ROBO1: variants seen among roughly 807,000 people sequenced by gnomAD.
ROBO1 encodes roundabout guidance receptor 1, also known as roundabout homolog 1.
A neutral mutation model predicts 195.9 loss-of-function variants in ROBO1; 149 were observed. The observed-to-expected ratio is 0.76, with a 90% confidence interval of 0.67 to 0.87. ROBO1 has a LOEUF of 0.87. Ranked by LOEUF, ROBO1 falls within the 40% of genes least tolerant of loss-of-function variation. ROBO1 has a pLI of 0.00. For synonymous variants in ROBO1, 816 were observed against 733.2 expected (o/e 1.11, Z -1.82); for missense variants, 1,933 against 2,068.3 (o/e 0.93, Z 1.27).
At chr3:79,147,389 T>C (rs2080675194) in intron 2 of ROBO1, among the ~76,000 whole-genome samples, 2 of 152,010 alleles carry the variant, frequency 1.3e-5, no homozygotes, top group South Asian at 4.1e-4. Flanking sequence ...AGGTGAGTTT[T>C]CTTTTTAGTA....
intron 1 of ROBO1, among the ~76,000 whole-genome samples, chr3:79,669,097 T>C (rs1479515485): frequency 6.6e-6 from 1 of 151,892 alleles, no homozygotes; most frequent in African/African-American, 2.4e-5. Flanking sequence ...CTCCCATAAT[T>C]TCTACGTGTT....
chr3:79,477,159 T>C (rs1559927124), intron 2 of ROBO1, among the ~76,000 whole-genome samples: 1 of 152,140 alleles, frequency 6.6e-6, no homozygotes, highest in Non-Finnish European at 1.5e-5. Context: ...TTTATTGTTA[T>C]GCTCATAATT....
intron 3 of ROBO1, among the ~76,000 whole-genome samples, chr3:79,047,733 T>A (rs2078621485): frequency 6.6e-6 from 1 of 152,136 alleles, no homozygotes. Context: ...ATATTTTATA[T>A]GTTGCATCAC....
rs1169857468 is a variant in ROBO1, at chr3:78,938,744, C to T, written c.356G>A (p.Arg119Gln). Residue 119 changes from arginine to glutamine, a missense_variant, in exon 4 of 31, where the codon CGA becomes CAA. Around this residue, in one of 3 missense-constraint regions of ROBO1, gnomAD observed 185 missense variants for 159.5 expected, o/e 1.16. Coordinates refer to ENST00000464233, the MANE Select transcript of ROBO1 (RefSeq NM_002941.4). ...TAAAGATCCACTCGGCAGCAACATT[C>T]GGTGTGAGCGAGGGTCATCTTTGTC... ...ETDKDDPRSH[R>Q]MLLPSGSLFF... 7 of 1,613,978 alleles carry T rather than the reference C, an allele frequency of 4.3e-6. 1 individual carries two copies. Among genetic ancestry groups the T allele is most frequent in the South Asian group, 3.3e-5 (3 of 91,076 alleles).
rs543621478 is a variant in ROBO1, at chr3:79,164,136, C to T, written c.89-38597G>A. On this transcript the variant is annotated intron_variant, in intron 2 of 30. Coordinates refer to ENST00000464233, the MANE Select transcript of ROBO1 (RefSeq NM_002941.4). ...TGGTCCAAGGGTGGGGGAACTAAAA[C>T]AAAGAACCAGTGAGTCCTCAACATT... 2.7e-3 allele frequency among the ~76,000 whole-genome samples: 411 copies of T among 152,080 alleles called. 1 individual carries two copies. Among genetic ancestry groups the T allele is most frequent in the Non-Finnish European group, 4.5e-3 (305 of 67,960 alleles).
At chr3:79,503,038 A>C (rs1200880878) in intron 2 of ROBO1, among the ~76,000 whole-genome samples, 1 of 152,152 alleles carries the variant, frequency 6.6e-6, no homozygotes, top group Non-Finnish European at 1.5e-5. Flanking sequence ...TAACAGTGAC[A>C]ACCTCTCAGG....
In ROBO1 at chr3:78,819,460, A is replaced by AC. The variant is rs1424649378; in HGVS notation, c.500-72561_500-72560insG. On this transcript the variant is annotated intron_variant, in intron 4 of 30. Coordinates refer to ENST00000464233, the MANE Select transcript of ROBO1 (RefSeq NM_002941.4). ...CCATATTCTACAAAAAAAAAAAAAC[A>AC]AAACCTTTTTTTTTCTTTTCTCCAT... Among the ~76,000 whole-genome samples the AC allele has an allele frequency of 4.5e-3, 683 of 150,224 alleles. 8 individuals carry two copies. The highest frequency in any genetic ancestry group is 0.016 in the African/African-American group (647 of 41,090).
intron 2 of ROBO1, among the ~76,000 whole-genome samples, chr3:79,205,611 G>T (rs1034419425): frequency 6.6e-6 from 1 of 152,030 alleles, no homozygotes; most frequent in African/African-American, 2.4e-5. Flanking sequence ...CATTCTCTTG[G>T]CATGTATTTT....
intron 2 of ROBO1, among the ~76,000 whole-genome samples, chr3:79,235,817 T>C (rs1351864653): frequency 6.6e-6 from 1 of 152,116 alleles, no homozygotes; most frequent in Non-Finnish European, 1.5e-5. Context: ...TATTATTGGG[T>C]TTAAAAATAC....
chr3:79,206,098 G>A (rs550227536), intron 2 of ROBO1, among the ~76,000 whole-genome samples: 25 of 152,226 alleles, frequency 1.6e-4, no homozygotes, highest in Admixed American at 5.9e-4. Flanking sequence ...GCCATTCTGC[G>A]TAGCATGATG....
chr3:79,192,621 C>A (rs2081559987), intron 2 of ROBO1, among the ~76,000 whole-genome samples: 1 of 151,448 alleles, frequency 6.6e-6, no homozygotes. Context: ...AATGGCAGGT[C>A]TAAAAGCCGT....
intron 17 of ROBO1, among the ~76,000 whole-genome samples, chr3:78,658,255 A>G (rs1401681028): frequency 6.6e-6 from 1 of 152,220 alleles, no homozygotes; most frequent in Admixed American, 6.5e-5. Flanking sequence ...CTCAGTTTCC[A>G]TAAGAAAATG....
chr3:79,526,026 A>C (rs1056265991), intron 2 of ROBO1, among the ~76,000 whole-genome samples: 1 of 152,200 alleles, frequency 6.6e-6, no homozygotes, highest in Non-Finnish European at 1.5e-5. Context: ...AGACCCAATG[A>C]AATCTTAGAG....
intron 25 of ROBO1, among the ~76,000 whole-genome samples, chr3:78,628,693 A>G (rs986861222): frequency 1.3e-5 from 2 of 151,996 alleles, no homozygotes; most frequent in Non-Finnish European, 2.9e-5. Context: ...TAATCTCACT[A>G]TCTCCCTCTT....
intron 1 of ROBO1, among the ~76,000 whole-genome samples, chr3:79,629,643 A>C (rs1359007661): frequency 1.3e-5 from 2 of 152,076 alleles, no homozygotes; most frequent in Non-Finnish European, 1.5e-5. Flanking sequence ...AACAAAGATC[A>C]GAGCAGAATT....
intron 4 of ROBO1, among the ~76,000 whole-genome samples, chr3:78,854,430 T>C (rs1361203510): frequency 6.6e-6 from 1 of 150,510 alleles, no homozygotes; most frequent in African/African-American, 2.4e-5. Flanking sequence ...GAGAGACATA[T>C]ATCTTACTGG....
intron 1 of ROBO1, among the ~76,000 whole-genome samples, chr3:79,612,802 G>A (rs982691971): frequency 1.9e-3 from 2 of 1,064 alleles, no homozygotes; most frequent in African/African-American, 9.8e-3. Context: ...ATTTTTTCAT[G>A]TGTTTTTTGG....
intron 2 of ROBO1, among the ~76,000 whole-genome samples, chr3:79,243,865 T>C (rs1366284851): frequency 2.6e-5 from 4 of 152,166 alleles, no homozygotes; most frequent in Admixed American, 6.5e-5. Context: ...TTGGCTTTTG[T>C]TGCCATTGCT....
chr3:78,681,992 G>A (rs890579004), intron 10 of ROBO1, among the ~76,000 whole-genome samples: 2 of 152,154 alleles, frequency 1.3e-5, no homozygotes, highest in Non-Finnish European at 2.9e-5. Flanking sequence ...ATAATGAATG[G>A]TAAAGCACGT....
Sources: allele counts gnomAD v4.1 joint callset (sites outside exome capture counted in the v4.1 genomes callset), GRCh38; gene constraint gnomAD v4.1.1; regional missense constraint gnomAD v4.1.1; transcripts MANE v1.5; gene names NCBI Gene and HGNC (gene_info 2026-07-23, HGNC 2026-07-21).